WDPCP: variants seen among roughly 807,000 people sequenced by gnomAD.
WDPCP encodes WD repeat-containing and planar cell polarity effector protein fritz homolog.
WDPCP carries 71 observed loss-of-function variants against 93.1 expected under a neutral mutation model. The ratio of observed to expected loss-of-function variants is 0.76; its 90% CI spans 0.63 to 0.93. WDPCP has a LOEUF of 0.93. Ranked by LOEUF, WDPCP falls within the 40% of genes least tolerant of loss-of-function variation. WDPCP has a pLI of 0.00. For synonymous variants in WDPCP, 315 were observed against 315.0 expected, an observed-to-expected ratio of 1.00 and a Z score of 0.00; for missense variants, 844 against 887.4, an observed-to-expected ratio of 0.95 and a Z score of 0.62.
At chr2:63,392,836 G>T (rs537445544) in intron 10 of WDPCP, among the ~76,000 whole-genome samples, 77 of 152,286 alleles carry the variant, frequency 5.1e-4, no homozygotes, top group Non-Finnish European at 9.6e-4. Context: ...ACCACAATGA[G>T]ATACCATCTC....
At chr2:63,152,621 C>T (rs1010583513) in intron 17 of WDPCP, among the ~76,000 whole-genome samples, 1 of 152,160 alleles carries the variant, frequency 6.6e-6, no homozygotes, top group East Asian at 1.9e-4. Context: ...TTTCTCCCTA[C>T]TGAATCATTT....
chr2:63,292,376 A>G (rs1684513399), intron 13 of WDPCP, among the ~76,000 whole-genome samples: 1 of 151,606 alleles, frequency 6.6e-6, no homozygotes, highest in Non-Finnish European at 1.5e-5. Context: ...TATTTAAAAA[A>G]AAAATCTCAC....
At chr2:63,393,760 G>A (rs1219527428) in intron 10 of WDPCP, among the ~76,000 whole-genome samples, 1 of 151,916 alleles carries the variant, frequency 6.6e-6, no homozygotes, top group Non-Finnish European at 1.5e-5. Context: ...AGAGAGCCCA[G>A]AAATAATGCT....
At chr2:63,377,163 CTTG>C (rs1257591170) in intron 12 of WDPCP, among the ~76,000 whole-genome samples, 5 of 151,890 alleles carry the variant, frequency 3.3e-5, no homozygotes, top group South Asian at 4.1e-4. Flanking sequence ...CCACCAATAA[CTTG>C]TTATTTGATC....
intron 17 of WDPCP, among the ~76,000 whole-genome samples, chr2:63,143,022 C>T (rs962360836): frequency 2.0e-5 from 3 of 151,994 alleles, no homozygotes; most frequent in African/African-American, 7.3e-5. Context: ...GCGATCTTGG[C>T]TCACTACACT....
chr2:63,574,375 GTGAATTTTACCCGATATCTGGC>G (rs1469760809), intron 1 of WDPCP, among the ~76,000 whole-genome samples: 6 of 152,138 alleles, frequency 3.9e-5, no homozygotes, highest in African/African-American at 7.2e-5. Context: ...AATATCGGGG[GTGAATTTTACCCGATATCTGGC>G]TGAATTTCCC....
intron 2 of WDPCP, chr2:63,752,197 C>T (rs1669893710): frequency 3.5e-6 from 2 of 578,940 alleles, no homozygotes; most frequent in South Asian, 1.8e-5. Context: ...GACAAAGCTC[C>T]TTTTTTTTTT....
At chr2:63,575,559 A>ATATACACTGTATATATAGTATATACAGTG (rs1708047505) in intron 1 of WDPCP, among the ~76,000 whole-genome samples, 1 of 44,872 alleles carries the variant, frequency 2.2e-5, no homozygotes, top group Non-Finnish European at 4.6e-5. Context: ...TATATACAGT[A>ATATACACTGTATATATAGTATATACAGTG]TATATACTAT....
chr2:63,588,337 G>A lies in WDPCP; in HGVS notation c.-66C>T, dbSNP rs555869874. On this transcript the variant is annotated 5_prime_UTR_variant, in exon 1 of 18. Coordinates refer to ENST00000272321, the MANE Select transcript of WDPCP (RefSeq NM_015910.7). ...CCTCGGACCCGAGAGGGAGCGACAC[G>A]CTCGCTTGGTCTCTTGGGTCTCCAG... 255 of 1,533,952 alleles carry A rather than the reference G, an allele frequency of 1.7e-4. No homozygotes were observed. The African/African-American group carries it at 3.2e-3, about 19-fold the overall frequency.
intron 6 of WDPCP, chr2:63,440,893 G>C (rs1035755584): frequency 6.6e-6 from 1 of 152,546 alleles, no homozygotes; most frequent in South Asian, 2.1e-4. Context: ...TAGAGAGGAT[G>C]ATTCTGTGTT....
At chr2:63,149,668 T>A (rs1307771946) in intron 17 of WDPCP, among the ~76,000 whole-genome samples, 1 of 152,226 alleles carries the variant, frequency 6.6e-6, no homozygotes, top group Non-Finnish European at 1.5e-5. Context: ...TGAACATACC[T>A]ACATCTACAT....
chr2:63,669,745 G>A (rs1454039947), intron 2 of WDPCP, among the ~76,000 whole-genome samples: 2 of 152,186 alleles, frequency 1.3e-5, no homozygotes, highest in Non-Finnish European at 2.9e-5. Context: ...CAAAACCCCA[G>A]TGTTGTGCTT....
chr2:63,445,545 T>C (rs1355040705), intron 6 of WDPCP, among the ~76,000 whole-genome samples: 2 of 152,202 alleles, frequency 1.3e-5, no homozygotes, highest in African/African-American at 2.4e-5. Flanking sequence ...TCCTAGAAAG[T>C]ATTTGACCAC....
At position 63,588,473 on chromosome 2, in the gene WDPCP, T is replaced by C. The variant is rs997766224; in HGVS notation, c.-202A>G. 3.2e-5 allele frequency: 21 copies of C among 663,126 alleles called. No homozygotes were observed. The highest frequency in any genetic ancestry group is 4.4e-5 in the Non-Finnish European group (16 of 366,262). 41.1% of individuals were successfully genotyped at this position (663,126 alleles called of 1,614,324 possible). A position where few individuals can be genotyped will look rare whatever the true frequency, so the allele number is the denominator to read the frequency against. ...TGAGAAGCTGTCCGGTCGTCCCAAC[T>C]TATCAATTCCCCCGCCCCTCCAGAG... On this transcript the variant is annotated 5_prime_UTR_variant, in exon 1 of 18. Transcript: ENST00000272321.
chr2:63,715,946 T>A (rs1315193657), intron 2 of WDPCP, among the ~76,000 whole-genome samples: 1 of 152,188 alleles, frequency 6.6e-6, no homozygotes, highest in Non-Finnish European at 1.5e-5. Context: ...GAGGTCGAGG[T>A]TGGTGATCTT....
At chr2:63,603,655 CTTTTT>C (rs11297982) in intron 3 of WDPCP, among the ~76,000 whole-genome samples, 2 of 99,110 alleles carry the variant, frequency 2.0e-5, no homozygotes, top group Admixed American at 2.4e-4. Flanking sequence ...CAAGACATTT[CTTTTT>C]TTTTTTTTTT....
At chr2:63,813,279 A>G (rs1670886859) in intron 2 of WDPCP, among the ~76,000 whole-genome samples, 1 of 152,230 alleles carries the variant, frequency 6.6e-6, no homozygotes, top group Non-Finnish European at 1.5e-5. Context: ...AAGTTAGGAA[A>G]TAAAGGAGAA....
At chr2:63,566,867 G>A (rs1454612097) in intron 1 of WDPCP, among the ~76,000 whole-genome samples, 1 of 152,218 alleles carries the variant, frequency 6.6e-6, no homozygotes, top group Non-Finnish European at 1.5e-5. Context: ...CTCAGGTTCT[G>A]TAATTTGCTA....
chr2:63,321,717 A>C (rs1687109556), intron 12 of WDPCP, among the ~76,000 whole-genome samples: 1 of 152,182 alleles, frequency 6.6e-6, no homozygotes, highest in African/African-American at 2.4e-5. Context: ...TATACAGTAT[A>C]TAATAATCCC....
Sources: allele counts gnomAD v4.1 joint callset (sites outside exome capture counted in the v4.1 genomes callset), GRCh38; gene constraint gnomAD v4.1.1; transcripts MANE v1.5; gene names NCBI Gene and HGNC (gene_info 2026-07-23, HGNC 2026-07-21).